The following FBXL5 variants were observed in gnomAD, a reference collection of about 807,000 sequenced individuals.
FBXL5 encodes F-box and leucine rich repeat protein 5.
FBXL5 carries 26 observed loss-of-function variants against 78.3 expected under a neutral mutation model. The observed-to-expected ratio is 0.33, with a 90% confidence interval of 0.24 to 0.46. FBXL5 has a LOEUF of 0.46. Ranked by LOEUF, FBXL5 falls within the 20% of genes least tolerant of loss-of-function variation. The pLI, the probability that FBXL5 is intolerant of heterozygous loss-of-function variation, is 1.00. For synonymous variants in FBXL5, 295 were observed against 282.5 expected, an observed-to-expected ratio of 1.04 and a Z score of -0.45; for missense variants, 710 against 829.2, an observed-to-expected ratio of 0.86 and a Z score of 1.77.
intron 1 of FBXL5, among the ~76,000 whole-genome samples, chr4:15,668,709 G>A (rs1208247994): frequency 1.3e-5 from 2 of 151,888 alleles, no homozygotes; most frequent in East Asian, 1.9e-4. Flanking sequence ...TGAACTCACT[G>A]ACAAAGGAAA....
At chr4:15,637,859 C>T (rs1714445382) in intron 4 of FBXL5, among the ~76,000 whole-genome samples, 1 of 148,720 alleles carries the variant, frequency 6.7e-6, no homozygotes, top group African/African-American at 2.5e-5. Flanking sequence ...CTTGAAGAAG[C>T]AAAGCTACTG....
Position 15,638,624 on chromosome 4 carries a change from G to C in FBXL5, c.467C>G (p.Ala156Gly). 6.2e-7 allele frequency: 1 copy of C among 1,613,260 alleles called. No homozygotes were observed. Among genetic ancestry groups the C allele is most frequent in the Non-Finnish European group, 8.5e-7 (1 of 1,179,428 alleles). Reference sequence around the variant, plus strand: ...AGTATCCTTCTGAGAGCAGTGTTGTGCAATCACTTTCTTTTTAATATCCTT... The same window carrying C: ...AGTATCCTTCTGAGAGCAGTGTTGTCCAATCACTTTCTTTTTAATATCCTT... ...ELKDIKKKVI[A>G]QHCSQKDTAE... Residue 156 changes from alanine (A) to glycine (G), a missense_variant, in exon 4 of 11, where the codon GCA (alanine) becomes GGA (glycine). Transcript: ENST00000341285.
At chr4:15,640,976 C>T (rs1560231657) in intron 2 of FBXL5, 93 bp from the exon 3 acceptor site, 4 of 583,762 alleles carry the variant, frequency 6.9e-6, no homozygotes, top group South Asian at 2.9e-5. Context: ...ATAAAACCTC[C>T]GGGGAAAAAA....
chr4:15,618,493 A>G (rs1393689999), intron 9 of FBXL5, among the ~76,000 whole-genome samples: 1 of 152,252 alleles, frequency 6.6e-6, no homozygotes, highest in Non-Finnish European at 1.5e-5. Flanking sequence ...CCCTCTCAAC[A>G]AAGAGACCAA....
Position 15,625,715 on chromosome 4 carries a change from G to A in FBXL5, c.1387C>T (p.His463Tyr), listed in dbSNP as rs979222845. The change falls in exon 9 of 11, where the codon CAC becomes TAC. Residue 463 changes from histidine to tyrosine, a missense_variant. Transcript: ENST00000341285. ...KGIGEEIDNE[H>Y]PWTKPVSSEN... ...GAAGAAACAGGCTTAGTCCAGGGGT[G>A]TTCATTATCTATTTCTTCTCCAATG... 3 of 1,614,088 alleles carry A rather than the reference G, an allele frequency of 1.9e-6. No individual in the cohort carries two copies. Among genetic ancestry groups the A allele is most frequent in the Non-Finnish European group, 2.5e-6 (3 of 1,180,026 alleles).
At chr4:15,636,473 T>G in intron 5 of FBXL5, 21 bp downstream of exon 5, 1 of 1,473,630 alleles carries the variant, frequency 6.8e-7, no homozygotes, top group South Asian at 1.3e-5. Context: ...ATGAAAATAT[T>G]TTAAAAACCC....
In FBXL5 at chr4:15,607,118, A is replaced by G. The variant is rs550129748; in HGVS notation, c.2000-1319T>C. Among the ~76,000 whole-genome samples, 48 of 152,348 alleles carry G rather than the reference A, an allele frequency of 3.2e-4. No homozygotes were observed. In the South Asian group the frequency reaches 9.7e-3, roughly 31 times the overall value. Reference sequence around the variant, plus strand: ...TGGAACTACAACAGCTTATGCTTTCAGTCATATTAATTTTTAAGTTGATAT... The same window carrying G: ...TGGAACTACAACAGCTTATGCTTTCGGTCATATTAATTTTTAAGTTGATAT... On this transcript the variant is annotated intron_variant, in intron 10 of 10. Coordinates refer to ENST00000341285, the MANE Select transcript of FBXL5 (RefSeq NM_012161.4).
At chr4:15,680,214 C>G (rs554523200) in intron 1 of FBXL5, among the ~76,000 whole-genome samples, 15 of 151,766 alleles carry the variant, frequency 9.9e-5, no homozygotes, top group African/African-American at 3.1e-4. Context: ...GCATGAAGAC[C>G]GGAAGGATAA....
At chr4:15,665,117 C>G (rs1717483919) in intron 1 of FBXL5, among the ~76,000 whole-genome samples, 1 of 152,140 alleles carries the variant, frequency 6.6e-6, no homozygotes, top group African/African-American at 2.4e-5. Context: ...CCACGTGTCT[C>G]TCCCATTCTT....
At chr4:15,624,350 T>A (rs1197061563) in intron 9 of FBXL5, among the ~76,000 whole-genome samples, 2 of 152,116 alleles carry the variant, frequency 1.3e-5, no homozygotes, top group African/African-American at 4.8e-5. Flanking sequence ...TCCTCTTACA[T>A]AAGCCTCAAA....
At chr4:15,665,845 C>T (rs914914775) in intron 1 of FBXL5, among the ~76,000 whole-genome samples, 2 of 151,998 alleles carry the variant, frequency 1.3e-5, no homozygotes, top group Non-Finnish European at 2.9e-5. Context: ...GGTAGGAATC[C>T]GATGATTAGT....
At chr4:15,631,475 T>A (rs1294769011) in intron 5 of FBXL5, among the ~76,000 whole-genome samples, 1 of 152,206 alleles carries the variant, frequency 6.6e-6, no homozygotes, top group South Asian at 2.1e-4. Flanking sequence ...TAGTTCTAGA[T>A]CCTTAAGGAA....
intron 1 of FBXL5, among the ~76,000 whole-genome samples, chr4:15,678,229 A>T (rs4301111): frequency 0.24 from 36,731 of 152,066 alleles, 4,678 homozygotes; most frequent in African/African-American, 0.28. Flanking sequence ...GATTGCCTGG[A>T]TTTTCTCATT....
chr4:15,673,373 C>T (rs940514348), intron 1 of FBXL5, among the ~76,000 whole-genome samples: 1 of 151,926 alleles, frequency 6.6e-6, no homozygotes, highest in East Asian at 1.9e-4. Flanking sequence ...CCCAGAAGGT[C>T]GAGGCTGCAG....
intron 1 of FBXL5, among the ~76,000 whole-genome samples, chr4:15,652,728 T>C (rs1366042586): frequency 6.6e-6 from 1 of 152,184 alleles, no homozygotes; most frequent in African/African-American, 2.4e-5. Flanking sequence ...GCTTCTAAAA[T>C]ACATTCTACT....
chr4:15,659,648 T>C (rs1717211480), upstream of FBXL5: 1 of 521,098 alleles, frequency 1.9e-6, no homozygotes, highest in Non-Finnish European at 2.5e-6. Context: ...ATGTGTATAG[T>C]GGTCCATAAA....
At chr4:15,626,426 G>A (rs1314463615) in intron 8 of FBXL5, among the ~76,000 whole-genome samples, 3 of 152,140 alleles carry the variant, frequency 2.0e-5, no homozygotes, top group Non-Finnish European at 4.4e-5. Context: ...TAGTTGGGTG[G>A]GAAAGAGGGA....
chr4:15,624,148 T>C (rs1712770232), intron 9 of FBXL5, among the ~76,000 whole-genome samples: 1 of 152,132 alleles, frequency 6.6e-6, no homozygotes, highest in South Asian at 2.1e-4. Flanking sequence ...ATTAAGTATC[T>C]TTTCTAATGG....
intron 2 of FBXL5, among the ~76,000 whole-genome samples, chr4:15,642,022 T>C (rs1714938197): frequency 6.6e-6 from 1 of 151,422 alleles, no homozygotes; most frequent in Non-Finnish European, 1.5e-5. Context: ...AGCAAGACTC[T>C]GTCTTAAAAA....
Sources: gnomAD v4.1 joint callset for allele counts (sites outside exome capture counted in the v4.1 genomes callset) on GRCh38, gnomAD v4.1.1 for gene constraint, MANE v1.5 for transcripts, NCBI Gene and HGNC (gene_info 2026-07-23, HGNC 2026-07-21) for gene names.